EFR3B: variants seen among roughly 807,000 people sequenced by gnomAD.
EFR3B encodes the protein protein EFR3 homolog B.
A neutral mutation model predicts 104.7 loss-of-function variants in EFR3B; 64 were observed. That is an observed-to-expected ratio of 0.61 (90% CI 0.50 to 0.75). The LOEUF is 0.75. EFR3B is among the 30% of genes least tolerant of loss of function. The pLI is 0.00. For synonymous variants in EFR3B, 385 were observed against 417.9 expected, an observed-to-expected ratio of 0.92 and a Z score of 0.96; for missense variants, 750 against 1,078.5, an observed-to-expected ratio of 0.70 and a Z score of 4.27.
At position 25,126,868 on chromosome 2, in the gene EFR3B, T is replaced by A. The variant is rs375110480; in HGVS notation, c.486-1315T>A. ...ACTTGAAACATAGTAAAATATTTCA[T>A]ACAATGATGCCCATCATAGCATTAT... On this transcript the variant is annotated intron_variant, in intron 5 of 22. Coordinates refer to ENST00000403714, the MANE Select transcript of EFR3B (RefSeq NM_014971.2). Among the ~76,000 whole-genome samples, 8 of 152,032 alleles carry A rather than the reference T, an allele frequency of 5.3e-5. No individual in the cohort carries two copies. In the East Asian group the frequency reaches 9.7e-4, roughly 18 times the overall value.
At chr2:25,092,951 C>G in intron 2 of EFR3B, 52 bp from the exon 3 acceptor site, 1 of 1,521,076 alleles carries the variant, frequency 6.6e-7, no homozygotes, top group Non-Finnish European at 8.8e-7. Flanking sequence ...TAGACTTGAA[C>G]TCGTCTAGCC....
intron 5 of EFR3B, among the ~76,000 whole-genome samples, chr2:25,125,751 A>G (rs149505247): frequency 0.031 from 4,716 of 152,290 alleles, 142 homozygotes; most frequent in South Asian, 0.09. Context: ...GATCGAGACC[A>G]TCCTGGCTAA....
At chr2:25,120,987 C>T (rs939072944) in intron 4 of EFR3B, among the ~76,000 whole-genome samples, 6 of 151,252 alleles carry the variant, frequency 4.0e-5, no homozygotes, top group African/African-American at 1.5e-4. Flanking sequence ...CTACAACCTC[C>T]ACCTCCCGGG....
In EFR3B at chr2:25,097,358, C is replaced by T. The variant is rs191611589; in HGVS notation, c.212+4228C>T. On this transcript the variant is annotated intron_variant, in intron 3 of 22. Coordinates refer to ENST00000403714, the MANE Select transcript of EFR3B (RefSeq NM_014971.2). ...GTCTTTCCGTACCCAACGCCACATA[C>T]ATCATCATTATCTTCCTCATCACTG... 2.6e-5 allele frequency among the ~76,000 whole-genome samples: 4 copies of T among 152,340 alleles called. No individual in the cohort carries two copies. In the East Asian group the frequency reaches 7.7e-4, roughly 29 times the overall value.
intron 11 of EFR3B, among the ~76,000 whole-genome samples, 180 bp downstream of exon 11, chr2:25,133,194 A>G (rs1389526356): frequency 6.6e-6 from 1 of 152,052 alleles, no homozygotes; most frequent in Non-Finnish European, 1.5e-5. Flanking sequence ...TGCCCCACCA[A>G]TAACCACCTC....
chr2:25,092,445 G>GTA (rs1225372453), intron 2 of EFR3B, among the ~76,000 whole-genome samples: 8 of 121,306 alleles, frequency 6.6e-5, no homozygotes, highest in East Asian at 2.6e-4. Flanking sequence ...CACACACACG[G>GTA]TATATATATA....
chr2:25,133,116 C>T (rs1283738348), intron 11 of EFR3B, 102 bp downstream of exon 11: 2 of 1,142,940 alleles, frequency 1.7e-6, no homozygotes, highest in Non-Finnish European at 2.5e-6. Flanking sequence ...CTGCCCTCTG[C>T]TCTCTTTTTA....
chr2:25,064,845 C>T (rs1006333499), intron 1 of EFR3B, among the ~76,000 whole-genome samples: 1 of 152,200 alleles, frequency 6.6e-6, no homozygotes, highest in African/African-American at 2.4e-5. Context: ...ATTACTTACA[C>T]TGATAAATAA....
chr2:25,080,566 T>G (rs1051822680), intron 1 of EFR3B: 1 of 509,232 alleles, frequency 2.0e-6, no homozygotes, highest in African/African-American at 1.9e-5. Context: ...AGTGTTGGGA[T>G]TACAGGCATG....
In EFR3B at chr2:25,130,598, C is replaced by G; in HGVS notation, c.817C>G (p.Arg273Gly). ...TTGGGAACCCAAGGTGTTTGCCATC[C>G]GTTGCTTTAAAATCATCATGTACTC... The part of the protein sequence containing the change: ...SLWEPKVFAI[R>G]CFKIIMYSIQ... Residue 273 changes from arginine (R) to glycine (G), a missense_variant, in exon 8 of 23, where the codon CGT becomes GGT. Transcript: ENST00000403714. This position sits in a 1 kb window ranked among gnomAD's most constrained non-coding sequence, Gnocchi z 4.6. The G allele has an allele frequency of 6.4e-7, 1 of 1,551,728 alleles. No individual in the cohort carries two copies. Among genetic ancestry groups the G allele is most frequent in the Non-Finnish European group, 8.7e-7 (1 of 1,146,998 alleles).
intron 4 of EFR3B, among the ~76,000 whole-genome samples, chr2:25,119,188 C>T (rs948174153): frequency 1.1e-4 from 16 of 152,146 alleles, no homozygotes; most frequent in African/African-American, 3.6e-4. Context: ...TTAAAAGAAC[C>T]TCAGTGACAA....
At chr2:25,047,826 TAAAA>T (rs1280682748) in intron 1 of EFR3B, among the ~76,000 whole-genome samples, 3 of 151,956 alleles carry the variant, frequency 2.0e-5, no homozygotes, top group Non-Finnish European at 2.9e-5. Flanking sequence ...AAGGCAAAAA[TAAAA>T]CAAATAAAAA....
At chr2:25,153,100 T>C (rs942438204) in intron 21 of EFR3B, among the ~76,000 whole-genome samples, 4 of 152,186 alleles carry the variant, frequency 2.6e-5, no homozygotes, top group African/African-American at 9.7e-5. Context: ...ATGCCTGTAC[T>C]CCCAGCACTT....
intron 3 of EFR3B, among the ~76,000 whole-genome samples, chr2:25,093,774 T>C (rs1669201244): frequency 6.6e-6 from 1 of 152,154 alleles, no homozygotes; most frequent in African/African-American, 2.4e-5. Context: ...TCCTGCCTTA[T>C]CCCACTTACT....
chr2:25,088,856 C>T (rs1669033573), intron 1 of EFR3B, among the ~76,000 whole-genome samples: 2 of 152,176 alleles, frequency 1.3e-5, no homozygotes, highest in Non-Finnish European at 2.9e-5. Context: ...AAAGGAAAGA[C>T]AAGAAAGAAG....
chr2:25,042,691 G>C lies in EFR3B; in HGVS notation c.7+372G>C. On this transcript the variant is annotated intron_variant, in intron 1 of 22. Coordinates refer to ENST00000403714, the MANE Select transcript of EFR3B (RefSeq NM_014971.2). The surrounding 1 kb of genome is among the most constrained non-coding windows in gnomAD (Gnocchi z 5.4). ...GGTTTGTGCCTGGGAGTTTTCTGTG[G>C]GAAGCCGGTCCAGGGCTGAGGGAGA... is the stretch of plus-strand genomic sequence containing the variant. 5 of 1,010,050 alleles carry C rather than the reference G, an allele frequency of 5.0e-6. No individual in the cohort carries two copies. The highest frequency in any genetic ancestry group is 5.9e-6 in the Non-Finnish European group (5 of 846,134). 62.6% of individuals were successfully genotyped at this position (1,010,050 alleles called of 1,614,324 possible).
At chr2:25,073,362 T>C (rs60024912) in intron 1 of EFR3B, among the ~76,000 whole-genome samples, 3,229 of 146,910 alleles carry the variant, frequency 0.022, 108 homozygotes, top group African/African-American at 0.076. Context: ...ATTTAATACT[T>C]TTTTTTTTTT....
At chr2:25,093,569 AT>A (rs1218364348) in intron 3 of EFR3B, among the ~76,000 whole-genome samples, 1 of 152,164 alleles carries the variant, frequency 6.6e-6, no homozygotes, top group Admixed American at 6.5e-5. Context: ...TAAGGAGTAT[AT>A]CCCATGTGAT....
intron 4 of EFR3B, among the ~76,000 whole-genome samples, chr2:25,120,821 G>C (rs1423977294): frequency 1.3e-5 from 2 of 152,224 alleles, no homozygotes; most frequent in Admixed American, 6.5e-5. Flanking sequence ...TAGCTGCCCA[G>C]GATGCCGATC....
Sources: gnomAD v4.1 joint callset for allele counts (sites outside exome capture counted in the v4.1 genomes callset) on GRCh38, gnomAD v4.1.1 for gene constraint, Gnocchi (gnomAD v3.1) non-coding constraint, MANE v1.5 for transcripts, NCBI Gene and HGNC (gene_info 2026-07-23, HGNC 2026-07-21) for gene names.